BCL7B: variants seen among roughly 807,000 people sequenced by gnomAD.
The protein encoded by BCL7B is BAF chromatin remodeling complex subunit BCL7B, also known as B-cell CLL/lymphoma 7 protein family member B.
A neutral mutation model predicts 26.5 loss-of-function variants in BCL7B; 11 were observed. The observed-to-expected ratio is 0.42, with a 90% CI of 0.26 to 0.69. The LOEUF is 0.69. Ranked by LOEUF, BCL7B falls within the 30% of genes least tolerant of loss-of-function variation. The probability of loss-of-function intolerance (pLI) is 0.28; values close to 1 mark genes in which losing one functional copy is unlikely to be tolerated. For missense variants in BCL7B, 215 were observed against 264.4 expected (o/e 0.81, Z 1.30); for synonymous variants, 111 against 107.9 (o/e 1.03, Z -0.18).
chr7:73,538,815 TA>T (rs1159395373), intron 4 of BCL7B, among the ~76,000 whole-genome samples: 4,140 of 94,568 alleles, frequency 0.044, 192 homozygotes, highest in African/African-American at 0.14. Flanking sequence ...CCTATCTCTT[TA>T]AAAAAAAAAA....
In BCL7B at chr7:73,548,111, C is replaced by CA. The variant is rs1364963449; in HGVS notation, c.168+4055dup. ...CCAGCCTCAGAGTGACACCCTGTCT[C>CA]AAAAAAAAAAATGTAGGTGCATGAA... On this transcript the variant is annotated intron_variant, in intron 2 of 5. Coordinates refer to ENST00000223368, the MANE Select transcript of BCL7B (RefSeq NM_001707.4). Among the ~76,000 whole-genome samples the CA allele has an allele frequency of 5.4e-3, 780 of 145,136 alleles. 8 individuals carry two copies. Among genetic ancestry groups the CA allele is most frequent in the African/African-American group, 0.018 (729 of 39,624 alleles).
In BCL7B at chr7:73,536,474, G is replaced by A. The variant is rs966058666; in HGVS notation, c.*824C>T. On this transcript the variant is annotated 3_prime_UTR_variant, in exon 6 of 6. Coordinates refer to ENST00000223368, the MANE Select transcript of BCL7B (RefSeq NM_001707.4). The stretch of plus-strand genomic sequence containing the variant: ...TTGAAACAAAAAATAAAATCACAAA[G>A]TTCAATTCAACATGCAGATTTCAAA... The A allele has an allele frequency of 4.6e-5, 7 of 152,688 alleles. No individual in the cohort carries two copies. In the South Asian group the frequency reaches 8.3e-4, roughly 18 times the overall value. 9.5% of individuals were successfully genotyped at this position (152,688 alleles called of 1,614,324 possible). A position where few individuals can be genotyped will look rare whatever the true frequency, so the allele number is the denominator to read the frequency against.
At chr7:73,555,327 G>A (rs868922261) in intron 1 of BCL7B, among the ~76,000 whole-genome samples, 3 of 150,696 alleles carry the variant, frequency 2.0e-5, no homozygotes, top group South Asian at 2.1e-4. Flanking sequence ...GCTTGAACCC[G>A]GGAAGCAGAG....
chr7:73,547,606 C>T (rs1392440502), intron 2 of BCL7B, among the ~76,000 whole-genome samples: 1 of 152,118 alleles, frequency 6.6e-6, no homozygotes, highest in African/African-American at 2.4e-5. Flanking sequence ...TTCTTAACAG[C>T]GACACTGGAT....
Position 73,548,705 on chromosome 7 carries a change from C to T in BCL7B, c.168+3462G>A, listed in dbSNP as rs148482484. Reference sequence around the variant, plus strand: ...CAACACTTTGGCAAGCCGAGGCGGGCGGATCACCTGAGATCGGGAGTTGAA... The same window carrying T: ...CAACACTTTGGCAAGCCGAGGCGGGTGGATCACCTGAGATCGGGAGTTGAA... On this transcript the variant is annotated intron_variant, in intron 2 of 5. Coordinates refer to ENST00000223368, the MANE Select transcript of BCL7B (RefSeq NM_001707.4). Among the ~76,000 whole-genome samples, 598 of 151,840 alleles carry T rather than the reference C, an allele frequency of 3.9e-3. 9 individuals are homozygous for T. Among genetic ancestry groups the T allele is most frequent in the African/African-American group, 0.013 (557 of 41,454 alleles).
chr7:73,555,715 A>G (rs1356359057), intron 1 of BCL7B, among the ~76,000 whole-genome samples: 3 of 152,166 alleles, frequency 2.0e-5, no homozygotes, highest in African/African-American at 7.2e-5. Context: ...GAACCACTGA[A>G]GCATTACTAG....
chr7:73,538,247 G>A (rs909607288), intron 4 of BCL7B: 1 of 365,680 alleles, frequency 2.7e-6, no homozygotes, highest in Non-Finnish European at 4.9e-6. Flanking sequence ...ATCTGGAACC[G>A]ACAAAGCAGC....
rs571016950 is a variant in BCL7B at position 73,557,635 on chromosome 7, G to A, written c.-57C>T. The A allele has an allele frequency of 2.5e-3, 2,620 of 1,042,528 alleles. 4 individuals are homozygous for A. Among genetic ancestry groups the A allele is most frequent in the Middle Eastern group, 0.013 (33 of 2,524 alleles). The allele number at this position is 1,042,528 out of a possible 1,614,324, so 64.6% of individuals were successfully genotyped here. A position where few individuals can be genotyped will look rare whatever the true frequency, so the allele number is the denominator to read the frequency against. ...CTGCTCCCAAGACACCGGGGATCGC[G>A]CGCCTCACGCGCCGCCGCCCGCCCG... On this transcript the variant is annotated 5_prime_UTR_variant, in exon 1 of 6. Transcript: ENST00000223368.
rs782582287 is a variant in BCL7B, at chr7:73,539,959, GACTC to G, written c.355_358del (p.Glu119ProfsTer2). The G allele has an allele frequency of 6.2e-7, 1 of 1,614,060 alleles. No homozygotes were observed. On this transcript the variant is annotated frameshift_variant, in exon 4 of 6. Coordinates refer to ENST00000223368, the MANE Select transcript of BCL7B (RefSeq NM_001707.4). LOFTEE classifies it high-confidence loss of function. ...GTCGGAGGTGTGTGCTGGGCTCAGGGACTCACTCTGCTGGGGGCTGGGGCTTGAG... is the reference window on the plus strand; with the variant it reads ...GTCGGAGGTGTGTGCTGGGCTCAGGGACTCTGCTGGGGGCTGGGGCTTGAG...
intron 3 of BCL7B, among the ~76,000 whole-genome samples, chr7:73,541,462 G>A (rs1158766018): frequency 6.7e-6 from 1 of 148,210 alleles, no homozygotes; most frequent in Non-Finnish European, 1.5e-5. Context: ...GTCATACCCA[G>A]TACTTTTTTT....
intron 2 of BCL7B, among the ~76,000 whole-genome samples, chr7:73,544,105 TC>T (rs1791870511): frequency 6.6e-6 from 1 of 152,088 alleles, no homozygotes; most frequent in Admixed American, 6.6e-5. Context: ...CTATTCCTGA[TC>T]CGTCATCCTC....
At chr7:73,543,402 T>C in intron 3 of BCL7B, 146 bp downstream of exon 3, 6 of 701,408 alleles carry the variant, frequency 8.6e-6, no homozygotes, top group South Asian at 8.1e-5. Context: ...CGTCTTGAAC[T>C]CCTGACCTCA....
intron 4 of BCL7B, 75 bp from the exon 5 acceptor site, chr7:73,538,088 G>A (rs1791611571): frequency 1.1e-6 from 1 of 907,728 alleles, no homozygotes; most frequent in Non-Finnish European, 1.7e-6. Context: ...CCTTAGAGCT[G>A]TGTGGAGGTG....
rs139569568 is a variant in BCL7B at position 73,542,762 on chromosome 7, G to T, written c.265+786C>A. On this transcript the variant is annotated intron_variant, in intron 3 of 5. Transcript: ENST00000223368. ...GGGTAAGCAGAAGCTTCGGCTTTGG[G>T]TAGCCTACTCTAAGCGACTATGATA... 206 of 293,698 alleles carry T rather than the reference G, an allele frequency of 7.0e-4. 2 individuals carry two copies. The highest frequency in any genetic ancestry group is 4.0e-3 in the Middle Eastern group (3 of 754). 18.2% of individuals were successfully genotyped at this position (293,698 alleles called of 1,614,324 possible).
At chr7:73,546,481 A>G (rs1791961416) in intron 2 of BCL7B, among the ~76,000 whole-genome samples, 1 of 151,928 alleles carries the variant, frequency 6.6e-6, no homozygotes, top group South Asian at 2.1e-4. Flanking sequence ...AGCCTAGCCA[A>G]TATGGTGAAA....
chr7:73,540,339 C>G (rs1161275884), intron 3 of BCL7B: 1 of 345,714 alleles, frequency 2.9e-6, no homozygotes, highest in African/African-American at 2.0e-5. Flanking sequence ...AGCTGTGTCT[C>G]TGGTCAGTAC....
chr7:73,545,502 G>A (rs1554583406), intron 2 of BCL7B, among the ~76,000 whole-genome samples: 3 of 152,106 alleles, frequency 2.0e-5, no homozygotes. Context: ...GATTACAGGC[G>A]TGAGCCATCG....
chr7:73,546,631 G>A (rs1353609333), intron 2 of BCL7B, among the ~76,000 whole-genome samples: 1 of 151,520 alleles, frequency 6.6e-6, no homozygotes, highest in East Asian at 1.9e-4. Flanking sequence ...TCATGCCACT[G>A]CACTCCAGCC....
chr7:73,539,394 G>A (rs1191354292), intron 4 of BCL7B, among the ~76,000 whole-genome samples: 1 of 152,040 alleles, frequency 6.6e-6, no homozygotes, highest in African/African-American at 2.4e-5. Context: ...TGGGATTACA[G>A]GCACATGCCA....
Sources: gnomAD v4.1 joint callset for allele counts (sites outside exome capture counted in the v4.1 genomes callset) on GRCh38, gnomAD v4.1.1 for gene constraint, MANE v1.5 for transcripts, NCBI Gene and HGNC (gene_info 2026-07-23, HGNC 2026-07-21) for gene names.